GALNT17: variants seen among roughly 807,000 people sequenced by gnomAD.
GALNT17 encodes the protein UDP-GalNAc:polypeptide N-acetylgalactosaminyltransferase-like 3.
In GALNT17, 29 loss-of-function variants were observed where a neutral mutation model predicts 63.7. That is an observed-to-expected ratio of 0.46 (90% CI 0.34 to 0.62). The LOEUF is 0.62. GALNT17 is among the 20% of genes least tolerant of loss of function. GALNT17 has a pLI of 0.01. For synonymous variants in GALNT17, 305 were observed against 318.3 expected, an observed-to-expected ratio of 0.96 and a Z score of 0.45; for missense variants, 603 against 799.6, an observed-to-expected ratio of 0.75 and a Z score of 2.97.
chr7:71,421,013 C>T lies in GALNT17; in HGVS notation c.870C>T (p.Asn290=). The T allele has an allele frequency of 1.2e-6, 2 of 1,614,186 alleles. No individual in the cohort carries two copies. Among genetic ancestry groups the T allele is most frequent in the Non-Finnish European group, 1.7e-6 (2 of 1,180,038 alleles). ...QDNFEVQRYE[N]SAHGYSWELW... is the part of the protein sequence containing the mutation. ...ACTTTGAGGTGCAGCGGTACGAGAACTCGGCCCACGGGTACAGCTGGGAGC... is the reference window on the plus strand; with the variant it reads ...ACTTTGAGGTGCAGCGGTACGAGAATTCGGCCCACGGGTACAGCTGGGAGC... The change falls in exon 5 of 11, where the codon AAC becomes AAT. Residue 290 remains asparagine, a synonymous_variant. Transcript: ENST00000333538.
intron 5 of GALNT17, among the ~76,000 whole-genome samples, chr7:71,464,494 G>A (rs149501983): frequency 1.3e-5 from 2 of 152,228 alleles, no homozygotes; most frequent in East Asian, 1.9e-4. Flanking sequence ...GTGGGGTTGG[G>A]GAAAGGCTCT....
intron 1 of GALNT17, among the ~76,000 whole-genome samples, chr7:71,207,218 T>C: frequency 6.6e-6 from 1 of 152,222 alleles, no homozygotes; most frequent in African/African-American, 2.4e-5. Flanking sequence ...ATCAATTGTG[T>C]TGTGTTGTTA....
chr7:71,376,082 AAAAAAG>A (rs60856037), intron 2 of GALNT17, among the ~76,000 whole-genome samples: 7 of 143,766 alleles, frequency 4.9e-5, no homozygotes, highest in South Asian at 2.2e-4. Flanking sequence ...CCATCTCCAA[AAAAAAG>A]AAAAAGAAAA....
chr7:71,679,530 G>C (rs1010841406), intron 9 of GALNT17, among the ~76,000 whole-genome samples: 1 of 152,146 alleles, frequency 6.6e-6, no homozygotes, highest in African/African-American at 2.4e-5. Flanking sequence ...CTCCCAAATC[G>C]TTTACCCTTG....
At chr7:71,456,885 C>T (rs183727749) in intron 5 of GALNT17, among the ~76,000 whole-genome samples, 1 of 152,238 alleles carries the variant, frequency 6.6e-6, no homozygotes, top group African/African-American at 2.4e-5. Context: ...AGACGTGAGA[C>T]ATCTATCACT....
At chr7:71,495,664 A>G (rs1310667373) in intron 5 of GALNT17, among the ~76,000 whole-genome samples, 1 of 152,152 alleles carries the variant, frequency 6.6e-6, no homozygotes, top group Non-Finnish European at 1.5e-5. Context: ...TGGGAGCACT[A>G]TACCTTGGCT....
chr7:71,356,930 C>T (rs1020621226), intron 2 of GALNT17, among the ~76,000 whole-genome samples: 2 of 151,984 alleles, frequency 1.3e-5, no homozygotes, highest in African/African-American at 4.8e-5. Flanking sequence ...TACAGGCACG[C>T]ACCACCATGC....
chr7:71,182,169 C>T (rs536636668), intron 1 of GALNT17, among the ~76,000 whole-genome samples: 2 of 151,930 alleles, frequency 1.3e-5, no homozygotes, highest in Non-Finnish European at 2.9e-5. Flanking sequence ...GAGCGAAACT[C>T]CATCTAAAAA....
At chr7:71,664,113 A>G (rs1194527208) in intron 6 of GALNT17, among the ~76,000 whole-genome samples, 1 of 150,634 alleles carries the variant, frequency 6.6e-6, no homozygotes, top group African/African-American at 2.5e-5. Flanking sequence ...CTTACGGCCT[A>G]GGTGCCTGCC....
chr7:71,562,265 A>G (rs1562691856), intron 5 of GALNT17, among the ~76,000 whole-genome samples: 1 of 152,120 alleles, frequency 6.6e-6, no homozygotes, highest in Non-Finnish European at 1.5e-5. Context: ...CATCTGGTTC[A>G]CAGTCTCTGG....
In GALNT17 at chr7:71,434,369, G is replaced by A. The variant is rs535090143; in HGVS notation, c.962+13264G>A. On this transcript the variant is annotated intron_variant, in intron 5 of 10. Transcript: ENST00000333538. ...ACACAGGACCAGACCAGCTGAGGCTGCTGACCTCCCTGGGCCTGGTAGAGA... is the reference window on the plus strand; with the variant it reads ...ACACAGGACCAGACCAGCTGAGGCTACTGACCTCCCTGGGCCTGGTAGAGA... Among the ~76,000 whole-genome samples, 4 of 152,334 alleles carry A rather than the reference G, an allele frequency of 2.6e-5. No homozygotes were observed. In the South Asian group the frequency reaches 6.2e-4, roughly 24 times the overall value.
intron 2 of GALNT17, among the ~76,000 whole-genome samples, chr7:71,338,348 A>AAAAT (rs975909936): frequency 2.2e-5 from 3 of 134,306 alleles, no homozygotes; most frequent in African/African-American, 5.1e-5. Flanking sequence ...AAATAAATAA[A>AAAAT]AAATAAATAA....
intron 5 of GALNT17, 57 bp downstream of exon 5, chr7:71,421,162 G>C (rs1483772761): frequency 1.3e-6 from 2 of 1,583,620 alleles, no homozygotes; most frequent in Non-Finnish European, 1.7e-6. Flanking sequence ...GGGTAAAAAG[G>C]AGCTACTGAG....
At chr7:71,451,116 T>G (rs989495540) in intron 5 of GALNT17, among the ~76,000 whole-genome samples, 3 of 152,096 alleles carry the variant, frequency 2.0e-5, no homozygotes, top group Non-Finnish European at 4.4e-5. Flanking sequence ...GTGTGTGATG[T>G]TCCCCTTCCT....
At chr7:71,420,804 A>C in intron 4 of GALNT17, 104 bp from the exon 5 acceptor site, 5 of 1,405,826 alleles carry the variant, frequency 3.6e-6, no homozygotes, top group Non-Finnish European at 4.0e-6. Flanking sequence ...AGCCTTCCCA[A>C]AGCCCAGCCT....
At chr7:71,464,835 A>G (rs148626750) in intron 5 of GALNT17, among the ~76,000 whole-genome samples, 1 of 151,200 alleles carries the variant, frequency 6.6e-6, no homozygotes, top group Non-Finnish European at 1.5e-5. Context: ...CAGCATCCTC[A>G]ATACACATTA....
At chr7:71,559,910 A>AC (rs1172353277) in intron 5 of GALNT17, among the ~76,000 whole-genome samples, 5 of 151,644 alleles carry the variant, frequency 3.3e-5, no homozygotes, top group Non-Finnish European at 7.4e-5. Flanking sequence ...AAAAAAAAAA[A>AC]TCAGCCAGGC....
At chr7:71,499,595 C>G (rs1451059715) in intron 5 of GALNT17, among the ~76,000 whole-genome samples, 1 of 152,134 alleles carries the variant, frequency 6.6e-6, no homozygotes, top group African/African-American at 2.4e-5. Context: ...TCCAAAGATT[C>G]CAGGGAAATG....
intron 1 of GALNT17, among the ~76,000 whole-genome samples, chr7:71,204,051 G>A (rs184110181): frequency 1.2e-4 from 17 of 142,824 alleles, no homozygotes; most frequent in Admixed American, 1.0e-3. Flanking sequence ...TTCTGTTCAA[G>A]TGTTTAATCC....
Sources: allele counts gnomAD v4.1 joint callset (sites outside exome capture counted in the v4.1 genomes callset), GRCh38; gene constraint gnomAD v4.1.1; transcripts MANE v1.5; gene names NCBI Gene and HGNC (gene_info 2026-07-23, HGNC 2026-07-21).